RBFOX1: variants seen among roughly 807,000 people sequenced by gnomAD.
The protein encoded by RBFOX1 is RNA binding protein fox-1 homolog 1.
RBFOX1 carries 8 observed loss-of-function variants against 57.7 expected under a neutral mutation model. That is an observed-to-expected ratio of 0.14 (90% CI 0.08 to 0.25). RBFOX1 has a LOEUF of 0.25. Ranked by LOEUF, RBFOX1 falls within the 10% of genes least tolerant of loss-of-function variation. The probability of loss-of-function intolerance (pLI) is 1.00; values close to 1 mark genes in which losing one functional copy is unlikely to be tolerated. For synonymous variants in RBFOX1, 326 were observed against 222.4 expected (o/e 1.47, Z -4.15); for missense variants, 611 against 548.5 (o/e 1.11, Z -1.14).
intron 3 of RBFOX1, among the ~76,000 whole-genome samples, chr16:6,996,238 C>G (rs1484222210): frequency 2.6e-5 from 4 of 152,132 alleles, no homozygotes; most frequent in Non-Finnish European, 4.4e-5. Context: ...TTAGTTTAGC[C>G]TTTGCTTTTA....
At chr16:6,287,022 C>T (rs765721928) in intron 1 of RBFOX1, among the ~76,000 whole-genome samples, 5 of 151,748 alleles carry the variant, frequency 3.3e-5, no homozygotes, top group Non-Finnish European at 5.9e-5. Flanking sequence ...AACTCAAATG[C>T]CTACAGAGAT....
intron 1 of RBFOX1, among the ~76,000 whole-genome samples, chr16:6,172,729 A>C (rs1180819058): frequency 6.6e-6 from 1 of 152,206 alleles, no homozygotes; most frequent in Non-Finnish European, 1.5e-5. Flanking sequence ...ATCACAAACA[A>C]TGTAAGCTGC....
At chr16:7,147,901 T>C (rs2075342568) in intron 4 of RBFOX1, among the ~76,000 whole-genome samples, 1 of 152,226 alleles carries the variant, frequency 6.6e-6, no homozygotes, top group Non-Finnish European at 1.5e-5. Context: ...CAGGCTGCTT[T>C]CGCCAGGGGC....
chr16:5,303,380 C>G (rs2063851765), intron 1 of RBFOX1, among the ~76,000 whole-genome samples: 3 of 152,180 alleles, frequency 2.0e-5, no homozygotes, highest in Admixed American at 1.3e-4. Flanking sequence ...AAATGCTAGT[C>G]TTTTGGAGTC....
At chr16:6,293,272 C>A (rs961097031) in intron 1 of RBFOX1, among the ~76,000 whole-genome samples, 2 of 152,110 alleles carry the variant, frequency 1.3e-5, no homozygotes, top group Non-Finnish European at 2.9e-5. Context: ...GGGTATAAAC[C>A]TAGACACTCT....
At chr16:7,064,308 A>G (rs556922463) in intron 4 of RBFOX1, among the ~76,000 whole-genome samples, 2 of 151,760 alleles carry the variant, frequency 1.3e-5, no homozygotes, top group Non-Finnish European at 2.9e-5. Flanking sequence ...AGCTGGGCCT[A>G]CAGGCACCCG....
At chr16:7,394,470 G>A (rs557266550) in intron 4 of RBFOX1, among the ~76,000 whole-genome samples, 15 of 152,074 alleles carry the variant, frequency 9.9e-5, no homozygotes, top group African/African-American at 3.1e-4. Flanking sequence ...AGGAAACCTC[G>A]AAAGGGTTGA....
At chr16:7,502,586 G>C (rs944785566) in intron 4 of RBFOX1, among the ~76,000 whole-genome samples, 7 of 150,754 alleles carry the variant, frequency 4.6e-5, no homozygotes, top group Admixed American at 1.3e-4. Flanking sequence ...TTTTTTGTTT[G>C]TTTGTTTGTT....
chr16:7,241,258 T>C (rs4586446), intron 4 of RBFOX1, among the ~76,000 whole-genome samples: 48,839 of 151,920 alleles, frequency 0.32, 8,344 homozygotes, highest in Middle Eastern at 0.5. Flanking sequence ...AATTCTGGCA[T>C]CTCAGTCTCG....
At chr16:5,940,402 G>A (rs116158979) in intron 4 of RBFOX1, among the ~76,000 whole-genome samples, 3 of 152,236 alleles carry the variant, frequency 2.0e-5, no homozygotes, top group Non-Finnish European at 2.9e-5. Flanking sequence ...TATTAGCCCT[G>A]TGTGGTGGCA....
intron 2 of RBFOX1, among the ~76,000 whole-genome samples, chr16:6,555,598 G>T (rs2097085025): frequency 6.6e-6 from 1 of 152,100 alleles, no homozygotes; most frequent in Admixed American, 6.5e-5. Flanking sequence ...TACTCAGGAG[G>T]CTGAGGCAGG....
intron 4 of RBFOX1, among the ~76,000 whole-genome samples, chr16:6,010,652 G>T (rs1451142540): frequency 6.6e-6 from 1 of 152,208 alleles, no homozygotes; most frequent in African/African-American, 2.4e-5. Context: ...CAATGGTGTA[G>T]AAGAACCCTA....
chr16:7,206,142 AC>A (rs1179289683), intron 4 of RBFOX1, among the ~76,000 whole-genome samples: 2 of 152,226 alleles, frequency 1.3e-5, no homozygotes, highest in Non-Finnish European at 2.9e-5. Context: ...ATAATCTTGT[AC>A]ACACAGTAAT....
At chr16:6,506,690 C>T (rs569414674) in intron 2 of RBFOX1, among the ~76,000 whole-genome samples, 1 of 115,862 alleles carries the variant, frequency 8.6e-6, no homozygotes, top group Non-Finnish European at 1.6e-5. Flanking sequence ...CTTTGTCTCC[C>T]AGGCTGGAGT....
chr16:6,531,038 C>G (rs1025001589), intron 2 of RBFOX1, among the ~76,000 whole-genome samples: 2 of 152,170 alleles, frequency 1.3e-5, no homozygotes, highest in Admixed American at 6.5e-5. Flanking sequence ...GCAGGTGAGC[C>G]TCTTGAAATG....
At chr16:5,748,571 T>C (rs2053073151) in intron 3 of RBFOX1, among the ~76,000 whole-genome samples, 1 of 152,190 alleles carries the variant, frequency 6.6e-6, no homozygotes, top group Non-Finnish European at 1.5e-5. Flanking sequence ...TGGGTGCATA[T>C]ATATTTAGGA....
At chr16:5,454,872 TTCTTTCTTTCTTTCTTTC>T (rs2068549079) in intron 1 of RBFOX1, among the ~76,000 whole-genome samples, 1 of 99,368 alleles carries the variant, frequency 1.0e-5, no homozygotes, top group African/African-American at 3.6e-5. Context: ...CTTTCTTTCT[TTCTTTCTTTCTTTCTTTC>T]TTTCTTTCTT....
intron 3 of RBFOX1, among the ~76,000 whole-genome samples, chr16:6,869,641 C>G (rs143377091): frequency 2.0e-5 from 3 of 152,146 alleles, no homozygotes; most frequent in Admixed American, 1.3e-4. Flanking sequence ...TCAACTCTGA[C>G]GTGTTAGAAC....
intron 1 of RBFOX1, among the ~76,000 whole-genome samples, chr16:5,457,628 A>C (rs1041581358): frequency 2.6e-5 from 4 of 151,938 alleles, no homozygotes; most frequent in African/African-American, 9.7e-5. Context: ...TGCATGGAGC[A>C]CTCTTTCTCC....
Sources: gnomAD v4.1 joint callset for allele counts (sites outside exome capture counted in the v4.1 genomes callset) on GRCh38, gnomAD v4.1.1 for gene constraint, MANE v1.5 for transcripts, NCBI Gene and HGNC (gene_info 2026-07-23, HGNC 2026-07-21) for gene names.